The following ARHGEF6 variants were observed in gnomAD, a reference collection of about 807,000 sequenced individuals.
ARHGEF6 encodes the protein rho guanine nucleotide exchange factor 6.
A neutral mutation model predicts 70.3 loss-of-function variants in ARHGEF6; 9 were observed. That is an observed-to-expected ratio of 0.13 (90% CI 0.08 to 0.22). The LOEUF (loss-of-function observed/expected upper bound fraction) is 0.22, where lower values mean the gene tolerates loss of function less well. Ranked by LOEUF, ARHGEF6 falls within the 10% of genes least tolerant of loss-of-function variation. The pLI is 1.00. For synonymous variants in ARHGEF6, 201 were observed against 207.8 expected (o/e 0.97, Z 0.28); for missense variants, 470 against 563.0 (o/e 0.83, Z 1.67).
chrX:136,695,647 T>C (rs761917582), intron 9 of ARHGEF6, among the ~76,000 whole-genome samples: 4 of 112,535 alleles, frequency 3.6e-5, no homozygotes, highest in Non-Finnish European at 5.6e-5. Flanking sequence ...TTTACTGGTG[T>C]TAAGGAATTT....
chrX:136,763,182 T>C (rs190933729), intron 2 of ARHGEF6, among the ~76,000 whole-genome samples: 321 of 112,181 alleles, frequency 2.9e-3, no homozygotes, highest in Non-Finnish European at 4.5e-3. Context: ...AGCCCCTCAT[T>C]TCCCTTTATC....
At chrX:136,682,625 A>T in intron 13 of ARHGEF6, 133 bp downstream of exon 13, 1 of 507,952 alleles carries the variant, frequency 2.0e-6, no homozygotes. Context: ...AAGCTCTTTA[A>T]TTACAATGAA....
chrX:136,691,859 C>T lies in ARHGEF6; in HGVS notation c.1047-1111G>A, dbSNP rs184007572. ...CAAGATCAAGTCTTAACTTTTTAAACTCCTACTGGCTCCACCATCTTTCTC... is the reference window on the plus strand; with the variant it reads ...CAAGATCAAGTCTTAACTTTTTAAATTCCTACTGGCTCCACCATCTTTCTC... On this transcript the variant is annotated intron_variant, in intron 9 of 21. Transcript: ENST00000250617. Among the ~76,000 whole-genome samples, 95 of 111,687 alleles carry T rather than the reference C, an allele frequency of 8.5e-4. 1 individual carries two copies. Among genetic ancestry groups the T allele is most frequent in the African/African-American group, 3.0e-3 (93 of 30,734 alleles).
chrX:136,731,986 T>C (rs1016609432), intron 6 of ARHGEF6, 116 bp downstream of exon 6: 46 of 548,551 alleles, frequency 8.4e-5, no homozygotes, highest in Non-Finnish European at 1.4e-4. Flanking sequence ...ATTAGACTCA[T>C]GCATGCAACT....
intron 9 of ARHGEF6, among the ~76,000 whole-genome samples, chrX:136,698,250 T>C (rs770649846): frequency 9.0e-6 from 1 of 110,793 alleles, no homozygotes; most frequent in African/African-American, 3.3e-5. Context: ...GAAAAACGAA[T>C]ACAGCCTCAG....
At chrX:136,668,524 C>CTTATTA (rs1483563492) in intron 21 of ARHGEF6, among the ~76,000 whole-genome samples, 3 of 99,790 alleles carry the variant, frequency 3.0e-5, no homozygotes, top group East Asian at 6.1e-4. Flanking sequence ...TCTTCTTCTT[C>CTTATTA]TTCTTCTTCT....
chrX:136,719,123 G>A (rs1300018071), intron 6 of ARHGEF6, among the ~76,000 whole-genome samples: 1 of 107,808 alleles, frequency 9.3e-6, no homozygotes, highest in Non-Finnish European at 1.9e-5. Flanking sequence ...GATCCAACAA[G>A]CAGAAAATCA....
chrX:136,735,379 C>A (rs1402128033), intron 5 of ARHGEF6, among the ~76,000 whole-genome samples: 1 of 110,854 alleles, frequency 9.0e-6, no homozygotes, highest in African/African-American at 3.3e-5. Context: ...TTACTCCCGC[C>A]ATGTGAAGGA....
In ARHGEF6 at chrX:136,674,997, G is replaced by A; in HGVS notation, c.2035+10C>T. 1.7e-6 allele frequency: 2 copies of A among 1,200,864 alleles called. No individual in the cohort carries two copies. Among genetic ancestry groups the A allele is most frequent in the South Asian group, 1.8e-5 (1 of 56,706 alleles). The stretch of plus-strand genomic sequence containing the variant: ...TCACTCACTAGAGAAAGTAGTTTGG[G>A]GGAACCTACTTGAGCCATGGCCTTG... On this transcript the variant is annotated intron_variant, in intron 19 of 21. Coordinates refer to ENST00000250617, the MANE Select transcript of ARHGEF6 (RefSeq NM_004840.3).
chrX:136,779,585 C>A (rs371750709), intron 1 of ARHGEF6, 88 bp from the exon 2 acceptor site: 1 of 859,275 alleles, frequency 1.2e-6, no homozygotes, highest in Admixed American at 2.3e-5. Context: ...CTAGAGAAAG[C>A]AGGCCTCTTA....
At chrX:136,690,511 A>T in intron 10 of ARHGEF6, 99 bp downstream of exon 10, 1 of 986,094 alleles carries the variant, frequency 1.0e-6, no homozygotes, top group Non-Finnish European at 1.4e-6. Context: ...CAAGACCTTG[A>T]TTCCTCTGCA....
intron 2 of ARHGEF6, among the ~76,000 whole-genome samples, chrX:136,748,964 C>T (rs1277768761): frequency 1.2e-4 from 13 of 111,748 alleles, no homozygotes; most frequent in Non-Finnish European, 1.9e-4. Context: ...CACAAGTCTG[C>T]CTATTCTAGG....
At position 136,750,480 on chromosome X, in the gene ARHGEF6, C is replaced by T. The variant is rs764076547; in HGVS notation, c.250-2888G>A. ...CTGAGTCCCAGATTAGCTGAACTTT[C>T]TTTATACCTATTTTGGTGCACAAAA... is the stretch of plus-strand genomic sequence containing the variant. On this transcript the variant is annotated intron_variant, in intron 2 of 21. Coordinates refer to ENST00000250617, the MANE Select transcript of ARHGEF6 (RefSeq NM_004840.3). Among the ~76,000 whole-genome samples the T allele has an allele frequency of 1.2e-3, 136 of 111,850 alleles. No homozygotes were observed. In the Middle Eastern group the frequency reaches 0.019, roughly 15 times the overall value.
intron 2 of ARHGEF6, among the ~76,000 whole-genome samples, chrX:136,768,964 AAG>A (rs1187501627): frequency 1.3e-4 from 14 of 105,556 alleles, no homozygotes; most frequent in African/African-American, 2.8e-4. Flanking sequence ...GAAAGAAAGA[AAG>A]AGAGAGGGGG....
At chrX:136,777,426 A>T (rs899665706) in intron 2 of ARHGEF6, among the ~76,000 whole-genome samples, 1 of 110,682 alleles carries the variant, frequency 9.0e-6, no homozygotes, top group Non-Finnish European at 1.9e-5. Flanking sequence ...CACAATTAAA[A>T]AAAAAACAAA....
intron 12 of ARHGEF6, among the ~76,000 whole-genome samples, chrX:136,685,472 A>T (rs2076374088): frequency 9.1e-6 from 1 of 110,155 alleles, no homozygotes; most frequent in African/African-American, 3.3e-5. Flanking sequence ...TTTGACTTTG[A>T]TGGAAGAACA....
At chrX:136,704,720 C>A (rs1402044689) in intron 9 of ARHGEF6, among the ~76,000 whole-genome samples, 1 of 111,599 alleles carries the variant, frequency 9.0e-6, no homozygotes, top group Non-Finnish European at 1.9e-5. Flanking sequence ...TTGGGGAAAA[C>A]CACCCCCATG....
chrX:136,769,827 A>C (rs916108037), intron 2 of ARHGEF6, among the ~76,000 whole-genome samples: 2 of 112,331 alleles, frequency 1.8e-5, no homozygotes, highest in African/African-American at 6.5e-5. Context: ...TTGGGACCTG[A>C]GTATTTTCCC....
In ARHGEF6 at chrX:136,667,912, A is replaced by C; in HGVS notation, c.*117T>G. The stretch of plus-strand genomic sequence containing the variant: ...AGAAAGAGAAGAGAGAGGGAGAGAG[A>C]GAGAGAGACTCAAACACAAAACAAA... On this transcript the variant is annotated 3_prime_UTR_variant, in exon 22 of 22. Coordinates refer to ENST00000250617, the MANE Select transcript of ARHGEF6 (RefSeq NM_004840.3). The C allele has an allele frequency of 1.1e-6, 1 of 947,284 alleles. No individual in the cohort carries two copies. The highest frequency in any genetic ancestry group is 1.5e-6 in the Non-Finnish European group (1 of 664,701). 78.1% of individuals were successfully genotyped at this position (947,284 alleles called of 1,213,427 possible). A position where few individuals can be genotyped will look rare whatever the true frequency, so the allele number is the denominator to read the frequency against.
Sources: allele counts gnomAD v4.1 joint callset (sites outside exome capture counted in the v4.1 genomes callset), GRCh38; gene constraint gnomAD v4.1.1; transcripts MANE v1.5; gene names NCBI Gene and HGNC (gene_info 2026-07-23, HGNC 2026-07-21).